The following CFAP221 variants were observed in gnomAD, a reference collection of about 807,000 sequenced individuals.
The protein encoded by CFAP221 is cilia- and flagella-associated protein 221.
Under a neutral mutation model 113.1 loss-of-function variants are expected in CFAP221, and 97 were observed. That is an observed-to-expected ratio of 0.86 (90% CI 0.73 to 1.02). The LOEUF (loss-of-function observed/expected upper bound fraction) is 1.02. CFAP221 is among the 50% of genes least tolerant of loss of function. The probability of loss-of-function intolerance (pLI) is 0.00; values close to 1 mark genes in which losing one functional copy is unlikely to be tolerated. For missense variants in CFAP221, 1,025 were observed against 1,013.4 expected (o/e 1.01, Z -0.16); for synonymous variants, 331 against 354.4 (o/e 0.93, Z 0.74).
chr2:119,633,006 A>G (rs1686882883), intron 19 of CFAP221, among the ~76,000 whole-genome samples: 1 of 152,102 alleles, frequency 6.6e-6, no homozygotes, highest in South Asian at 2.1e-4. Context: ...ATAAATGGAG[A>G]AATAAACAGA....
chr2:119,550,214 A>C (rs574410229), intron 3 of CFAP221, among the ~76,000 whole-genome samples: 4 of 152,196 alleles, frequency 2.6e-5, no homozygotes, highest in Non-Finnish European at 5.9e-5. Flanking sequence ...TTTTAGATGT[A>C]CGCATTCTTA....
At chr2:119,636,705 G>A (rs527335687) in intron 19 of CFAP221, among the ~76,000 whole-genome samples, 2 of 152,326 alleles carry the variant, frequency 1.3e-5, no homozygotes, top group East Asian at 3.9e-4. Context: ...AACAGGAAGG[G>A]CCTGCGGAAC....
intron 2 of CFAP221, among the ~76,000 whole-genome samples, chr2:119,546,867 T>C (rs1680087943): frequency 6.6e-6 from 1 of 152,224 alleles, no homozygotes; most frequent in African/African-American, 2.4e-5. Flanking sequence ...CCTATAGCTA[T>C]TATGGAAAAG....
chr2:119,632,566 G>C (rs1465920975), intron 19 of CFAP221, among the ~76,000 whole-genome samples: 1 of 152,050 alleles, frequency 6.6e-6, no homozygotes, highest in African/African-American at 2.4e-5. Flanking sequence ...TTCCTCCTAA[G>C]ATCAAGTATA....
At chr2:119,598,654 T>C (rs955122881) in intron 7 of CFAP221, among the ~76,000 whole-genome samples, 1 of 152,238 alleles carries the variant, frequency 6.6e-6, no homozygotes, top group African/African-American at 2.4e-5. Flanking sequence ...TTTGTGCCAC[T>C]GTTAGTTTTG....
chr2:119,572,335 T>C (rs1490069392), intron 6 of CFAP221, among the ~76,000 whole-genome samples: 1 of 152,230 alleles, frequency 6.6e-6, no homozygotes, highest in African/African-American at 2.4e-5. Context: ...GTTGAAACTG[T>C]GCTTTATAAC....
chr2:119,566,576 A>G (rs1347818999), intron 6 of CFAP221, among the ~76,000 whole-genome samples: 3 of 152,316 alleles, frequency 2.0e-5, no homozygotes, highest in South Asian at 2.1e-4. Context: ...TCCTACAGAC[A>G]TGAGCAGCCT....
chr2:119,653,900 A>C (rs530496284), intron 23 of CFAP221, among the ~76,000 whole-genome samples: 2 of 152,320 alleles, frequency 1.3e-5, no homozygotes, highest in Admixed American at 6.5e-5. Context: ...TATACTAAAA[A>C]CTTATCTATG....
At chr2:119,544,911 G>A (rs1445611713) in intron 1 of CFAP221, among the ~76,000 whole-genome samples, 1 of 152,222 alleles carries the variant, frequency 6.6e-6, no homozygotes, top group East Asian at 2.0e-4. Flanking sequence ...AAGCACAGGG[G>A]ATGTGAGGCT....
chr2:119,578,050 T>C (rs1416937420), intron 6 of CFAP221, among the ~76,000 whole-genome samples: 1 of 152,190 alleles, frequency 6.6e-6, no homozygotes, highest in African/African-American at 2.4e-5. Flanking sequence ...TACTGGCTAT[T>C]ATCTGGGAGC....
chr2:119,550,130 A>G (rs1467349459), intron 3 of CFAP221, among the ~76,000 whole-genome samples: 2 of 152,140 alleles, frequency 1.3e-5, no homozygotes, highest in African/African-American at 2.4e-5. Flanking sequence ...CTCTTTGCAC[A>G]TGCGCCCTCT....
downstream of CFAP221, among the ~76,000 whole-genome samples, chr2:119,658,335 GT>G (rs1688503569): frequency 6.6e-6 from 1 of 152,158 alleles, no homozygotes; most frequent in African/African-American, 2.4e-5. Context: ...AGCCCCTCAG[GT>G]TACACCTCTG....
At chr2:119,576,001 G>C (rs1031324372) in intron 6 of CFAP221, among the ~76,000 whole-genome samples, 1 of 152,018 alleles carries the variant, frequency 6.6e-6, no homozygotes, top group African/African-American at 2.4e-5. Context: ...AGAGGTGAAG[G>C]TGGAGGGGTG....
At chr2:119,608,481 G>T (rs1446499051) in intron 11 of CFAP221, 21 bp from the exon 12 acceptor site, 3 of 1,204,704 alleles carry the variant, frequency 2.5e-6, no homozygotes, top group Non-Finnish European at 2.3e-6. Flanking sequence ...TCTGGACACA[G>T]TTTTTTTTTT....
intron 7 of CFAP221, among the ~76,000 whole-genome samples, chr2:119,600,191 T>A (rs1047143743): frequency 2.6e-5 from 4 of 152,198 alleles, no homozygotes; most frequent in Admixed American, 6.5e-5. Context: ...ATCCTCCCTT[T>A]CTTCGCTTTT....
At chr2:119,549,338 A>C (rs1054739535) in intron 3 of CFAP221, among the ~76,000 whole-genome samples, 153 bp downstream of exon 3, 2 of 152,204 alleles carry the variant, frequency 1.3e-5, no homozygotes, top group Admixed American at 1.3e-4. Context: ...GAGAAACTTT[A>C]AGGTTGCATC....
chr2:119,656,983 C>A (rs1688469101), downstream of CFAP221, among the ~76,000 whole-genome samples: 1 of 152,056 alleles, frequency 6.6e-6, no homozygotes, highest in Non-Finnish European at 1.5e-5. Context: ...GAGCTTGCAC[C>A]AGTTTCCCAG....
intron 6 of CFAP221, among the ~76,000 whole-genome samples, chr2:119,577,760 A>G (rs1235988470): frequency 1.3e-5 from 2 of 152,236 alleles, no homozygotes; most frequent in African/African-American, 2.4e-5. Context: ...AGACTTTAAG[A>G]TTGCCAAATT....
chr2:119,565,531 T>C (rs1490320239), intron 6 of CFAP221, among the ~76,000 whole-genome samples: 1 of 152,198 alleles, frequency 6.6e-6, no homozygotes, highest in Admixed American at 6.5e-5. Flanking sequence ...AATACAAAAA[T>C]GTACCAACCT....
Sources: allele counts gnomAD v4.1 joint callset (sites outside exome capture counted in the v4.1 genomes callset), GRCh38; gene constraint gnomAD v4.1.1; transcripts MANE v1.5; gene names NCBI Gene and HGNC (gene_info 2026-07-23, HGNC 2026-07-21).